CERS6: variants seen among roughly 807,000 people sequenced by gnomAD.
CERS6 encodes ceramide synthase 6, also known as LAG1 homolog, ceramide synthase 6.
Under a neutral mutation model 56.8 loss-of-function variants are expected in CERS6, and 26 were observed. The observed-to-expected ratio is 0.46, with a 90% CI of 0.34 to 0.63. The LOEUF is 0.63. Among genes scored for constraint, CERS6 ranks in the 30% least tolerant of loss-of-function variants. The pLI is 0.01. For missense variants in CERS6, 415 were observed against 467.5 expected, an observed-to-expected ratio of 0.89 and a Z score of 1.04; for synonymous variants, 164 against 173.3, an observed-to-expected ratio of 0.95 and a Z score of 0.42.
chr2:168,687,804 A>G (rs1686392632), intron 4 of CERS6, among the ~76,000 whole-genome samples: 1 of 152,154 alleles, frequency 6.6e-6, no homozygotes, highest in African/African-American at 2.4e-5. Flanking sequence ...ACCAGGCTCA[A>G]GCAATCTTCC....
At chr2:168,499,146 G>A (rs888038999) in intron 1 of CERS6, among the ~76,000 whole-genome samples, 1 of 152,110 alleles carries the variant, frequency 6.6e-6, no homozygotes, top group Non-Finnish European at 1.5e-5. Context: ...TCCCTTGATG[G>A]GACCCCTATG....
chr2:168,659,875 T>G (rs1685584043), intron 4 of CERS6, among the ~76,000 whole-genome samples: 1 of 152,200 alleles, frequency 6.6e-6, no homozygotes, highest in Non-Finnish European at 1.5e-5. Flanking sequence ...AATGCCATTT[T>G]CTTTGTAGGA....
At chr2:168,746,463 T>G (rs1168956755) in intron 8 of CERS6, among the ~76,000 whole-genome samples, 2 of 151,970 alleles carry the variant, frequency 1.3e-5, no homozygotes, top group Non-Finnish European at 1.5e-5. Flanking sequence ...CCCTCTGCCA[T>G]CACGTTCCGA....
intron 1 of CERS6, among the ~76,000 whole-genome samples, chr2:168,531,820 C>CA (rs370604357): frequency 0.055 from 5,235 of 95,350 alleles, 170 homozygotes; most frequent in East Asian, 0.24. Flanking sequence ...GACTCTGTCT[C>CA]AAAAAAAAAA....
intron 4 of CERS6, among the ~76,000 whole-genome samples, chr2:168,681,052 G>C (rs1559049929): frequency 6.6e-6 from 1 of 152,214 alleles, no homozygotes; most frequent in Non-Finnish European, 1.5e-5. Context: ...CTGATGCATG[G>C]TAGGCACTCA....
At chr2:168,665,098 G>C (rs1468450879) in intron 4 of CERS6, among the ~76,000 whole-genome samples, 4 of 152,094 alleles carry the variant, frequency 2.6e-5, no homozygotes, top group Non-Finnish European at 5.9e-5. Flanking sequence ...AAACACAGTT[G>C]CCACATCTTT....
intron 6 of CERS6, among the ~76,000 whole-genome samples, chr2:168,706,677 G>A (rs1015376236): frequency 6.8e-4 from 104 of 152,222 alleles, no homozygotes; most frequent in African/African-American, 2.3e-3. Flanking sequence ...GATTACATCC[G>A]GACAGCTATG....
rs896279181 is a variant in CERS6 at position 168,510,722 on chromosome 2, T to C, written c.171-36874T>C. ...CTGGAGTCTGTGAGTTTTTAAAATTTATATTGTTTGCTTTCTGCACCATTA... is the reference window on the plus strand; with the variant it reads ...CTGGAGTCTGTGAGTTTTTAAAATTCATATTGTTTGCTTTCTGCACCATTA... On this transcript the variant is annotated intron_variant, in intron 1 of 9. Coordinates refer to ENST00000305747, the MANE Select transcript of CERS6 (RefSeq NM_203463.3). 3.9e-5 allele frequency among the ~76,000 whole-genome samples: 6 copies of C among 152,232 alleles called. No individual in the cohort carries two copies. In the South Asian group the frequency reaches 1.2e-3, roughly 31 times the overall value.
Position 168,561,200 on chromosome 2 carries a change from T to A in CERS6, c.285T>A (p.Asp95Glu). The A allele has an allele frequency of 6.2e-7, 1 of 1,613,956 alleles. No homozygotes were observed. Among genetic ancestry groups the A allele is most frequent in the Non-Finnish European group, 8.5e-7 (1 of 1,179,886 alleles). ...GGTACCTTGTTTCATAGCATCCTGA[T>A]GAAAAGAGATTGGAAGGCCTCTCCA... ...KVFTAITKHP[D>E]EKRLEGLSKQ... The change falls in exon 3 of 10, where the codon GAT becomes GAA. Residue 95 changes from aspartate (D) to glutamate (E), a missense_variant. Asp to Glu is a conservative substitution (Grantham distance 45). Transcript: ENST00000305747.
intron 8 of CERS6, among the ~76,000 whole-genome samples, chr2:168,750,359 T>C (rs1286002754): frequency 6.6e-6 from 1 of 152,210 alleles, no homozygotes; most frequent in African/African-American, 2.4e-5. Flanking sequence ...TATAGAAATT[T>C]TGTAGAAAAA....
At chr2:168,623,247 G>T (rs1487043207) in intron 3 of CERS6, among the ~76,000 whole-genome samples, 3 of 152,150 alleles carry the variant, frequency 2.0e-5, no homozygotes, top group Non-Finnish European at 4.4e-5. Context: ...GATTACCAGG[G>T]ATAGGAGTGG....
chr2:168,748,980 C>A (rs1460477511), intron 8 of CERS6, among the ~76,000 whole-genome samples: 1 of 151,044 alleles, frequency 6.6e-6, no homozygotes, highest in Non-Finnish European at 1.5e-5. Flanking sequence ...CTGCCTCCCC[C>A]ATCCCTTCCT....
chr2:168,720,494 C>G (rs1687335717), intron 8 of CERS6, among the ~76,000 whole-genome samples: 4 of 152,124 alleles, frequency 2.6e-5, no homozygotes, highest in Non-Finnish European at 5.9e-5. Context: ...ATTCTTAAGT[C>G]TGCTGTTTGC....
rs112890389 is a variant in CERS6 at position 168,542,415 on chromosome 2, A to G, written c.171-5181A>G. On this transcript the variant is annotated intron_variant, in intron 1 of 9. Transcript: ENST00000305747. ...ATCAGATTTCCCCAGTTTTGTTAATACTTGTACTCATTTATATATGTGTGA... is the reference window on the plus strand; with the variant it reads ...ATCAGATTTCCCCAGTTTTGTTAATGCTTGTACTCATTTATATATGTGTGA... Among the ~76,000 whole-genome samples the G allele has an allele frequency of 6.1e-3, 929 of 152,286 alleles. 5 individuals carry two copies. Among genetic ancestry groups the G allele is most frequent in the African/African-American group, 0.021 (879 of 41,560 alleles).
intron 1 of CERS6, among the ~76,000 whole-genome samples, chr2:168,509,964 G>GT (rs1298050604): frequency 6.6e-6 from 1 of 152,018 alleles, no homozygotes; most frequent in Non-Finnish European, 1.5e-5. Context: ...TTTCCAAACT[G>GT]TTTATCTCTT....
At chr2:168,464,884 C>A (rs1266908832) in intron 1 of CERS6, among the ~76,000 whole-genome samples, 1 of 152,162 alleles carries the variant, frequency 6.6e-6, no homozygotes, top group Admixed American at 6.5e-5. Context: ...AAGAAACAAA[C>A]AGAATAACAC....
chr2:168,735,383 C>T (rs1460597712), intron 8 of CERS6, among the ~76,000 whole-genome samples: 1 of 151,964 alleles, frequency 6.6e-6, no homozygotes, highest in African/African-American at 2.4e-5. Flanking sequence ...ATTTCTGCTT[C>T]CTAAAAATTT....
chr2:168,737,309 G>A (rs1683746031), intron 8 of CERS6, among the ~76,000 whole-genome samples: 1 of 152,198 alleles, frequency 6.6e-6, no homozygotes, highest in Admixed American at 6.5e-5. Context: ...ACCAACAATG[G>A]AAAATTCAAT....
At chr2:168,478,232 G>C (rs1444370578) in intron 1 of CERS6, among the ~76,000 whole-genome samples, 1 of 152,136 alleles carries the variant, frequency 6.6e-6, no homozygotes, top group African/African-American at 2.4e-5. Flanking sequence ...GAGCTGAGCA[G>C]TGAGATGAAG....
Sources: gnomAD v4.1 joint callset for allele counts (sites outside exome capture counted in the v4.1 genomes callset) on GRCh38, gnomAD v4.1.1 for gene constraint, MANE v1.5 for transcripts, NCBI Gene and HGNC (gene_info 2026-07-23, HGNC 2026-07-21) for gene names.